The following IMMP2L variants were observed in gnomAD, a reference collection of about 807,000 sequenced individuals.
The protein encoded by IMMP2L is mitochondrial inner membrane protease subunit 2.
IMMP2L carries 18 observed loss-of-function variants against 19.3 expected under a neutral mutation model. The observed-to-expected ratio is 0.93, with a 90% CI of 0.64 to 1.38. The LOEUF is 1.38. Among genes scored for constraint, IMMP2L ranks in the 40% most tolerant of loss-of-function variants. IMMP2L has a pLI of 0.00. For missense variants in IMMP2L, 233 were observed against 218.2 expected, an observed-to-expected ratio of 1.07 and a Z score of -0.43; for synonymous variants, 76 against 73.0, an observed-to-expected ratio of 1.04 and a Z score of -0.21.
chr7:111,389,778 A>C (rs781433142), intron 3 of IMMP2L, among the ~76,000 whole-genome samples: 4 of 152,072 alleles, frequency 2.6e-5, no homozygotes, highest in Non-Finnish European at 4.4e-5. Context: ...TATTAAGAAA[A>C]ACCTTAACTC....
intron 5 of IMMP2L, among the ~76,000 whole-genome samples, chr7:110,726,550 A>T (rs1048210419): frequency 6.6e-6 from 1 of 152,206 alleles, no homozygotes; most frequent in Admixed American, 6.5e-5. Flanking sequence ...CTATACCTAC[A>T]TCAAAGTCCT....
At position 110,968,851 on chromosome 7, in the gene IMMP2L, C is replaced by T. The variant is rs1819842958; in HGVS notation, c.240-5286G>A. Among the ~76,000 whole-genome samples, 5 of 152,190 alleles carry T rather than the reference C, an allele frequency of 3.3e-5. No individual in the cohort carries two copies. In the East Asian group the frequency reaches 9.7e-4, roughly 30 times the overall value. On this transcript the variant is annotated intron_variant, in intron 3 of 5. Transcript: ENST00000405709. Reference sequence around the variant, plus strand: ...AAAAGGTCTAGCAGGAATTCTATCACATCGTAGGTACTCAGTAAATTTTAG... The same window carrying T: ...AAAAGGTCTAGCAGGAATTCTATCATATCGTAGGTACTCAGTAAATTTTAG...
intron 5 of IMMP2L, among the ~76,000 whole-genome samples, chr7:110,754,131 T>TG (rs1252400981): frequency 6.6e-6 from 1 of 152,026 alleles, no homozygotes; most frequent in Non-Finnish European, 1.5e-5. Flanking sequence ...TTTGGGAGGC[T>TG]GTCCTTAAAA....
intron 3 of IMMP2L, among the ~76,000 whole-genome samples, chr7:111,322,790 T>A (rs1824875436): frequency 6.6e-6 from 1 of 151,800 alleles, no homozygotes; most frequent in African/African-American, 2.4e-5. Flanking sequence ...TGGGTCATGG[T>A]AAAAGCACTT....
In IMMP2L at chr7:111,410,094, T is replaced by A. The variant is rs950081110; in HGVS notation, c.239+77144A>T. ...ACTCATGAGGCTTTGAATAGGAATC[T>A]GTGCTGCATAGGGTGAAACTCCAAG... On this transcript the variant is annotated intron_variant, in intron 3 of 5. Transcript: ENST00000405709. Among the ~76,000 whole-genome samples, 3 of 151,826 alleles carry A rather than the reference T, an allele frequency of 2.0e-5. No individual in the cohort carries two copies. The South Asian group carries it at 6.2e-4, about 31-fold the overall frequency.
chr7:111,112,431 T>C (rs1187481717), intron 3 of IMMP2L, among the ~76,000 whole-genome samples: 1 of 152,142 alleles, frequency 6.6e-6, no homozygotes, highest in Non-Finnish European at 1.5e-5. Context: ...AACACGAGTG[T>C]TAGGGAAAGA....
intron 3 of IMMP2L, among the ~76,000 whole-genome samples, chr7:111,415,313 T>C (rs1834861159): frequency 1.3e-5 from 2 of 151,450 alleles, no homozygotes; most frequent in East Asian, 1.9e-4. Flanking sequence ...CACATGAACA[T>C]GAAAAAGGAT....
intron 5 of IMMP2L, among the ~76,000 whole-genome samples, chr7:110,674,546 G>A (rs1308235217): frequency 1.3e-5 from 2 of 152,162 alleles, no homozygotes; most frequent in East Asian, 3.8e-4. Context: ...TTACTTAGCA[G>A]CGTAAGAAGA....
At position 110,663,721 on chromosome 7, in the gene IMMP2L, C is replaced by A. The variant is rs761618656; in HGVS notation, c.409G>T (p.Val137Phe). The A allele has an allele frequency of 1.9e-6, 3 of 1,560,966 alleles. No individual in the cohort carries two copies. Among genetic ancestry groups the A allele is most frequent in the African/African-American group, 2.8e-5 (2 of 71,926 alleles). ...HSFDSNSFGP[V>F]SLGLLHAHAT... ...TGGGCATGCAGAAGTCCTAGGGAAA[C>A]CTTAATTCATGAGAAACAGAAAGAA... The change falls in exon 6 of 6, where the codon GTT becomes TTT. Residue 137 changes from valine (V) to phenylalanine (F), a missense_variant and splice_region_variant. Transcript: ENST00000405709.
chr7:110,685,493 G>C (rs181408599), intron 5 of IMMP2L, among the ~76,000 whole-genome samples: 87 of 152,194 alleles, frequency 5.7e-4, no homozygotes, highest in African/African-American at 2.1e-3. Context: ...CAAGGAATAA[G>C]GTGTTGAAAA....
intron 3 of IMMP2L, among the ~76,000 whole-genome samples, chr7:111,114,735 T>A (rs750327550): frequency 5.0e-5 from 6 of 120,530 alleles, no homozygotes; most frequent in Non-Finnish European, 8.0e-5. Context: ...CGAGACTCCA[T>A]CTCAAAAAAA....
chr7:110,770,176 A>C (rs988838511), intron 5 of IMMP2L, among the ~76,000 whole-genome samples: 7 of 152,214 alleles, frequency 4.6e-5, no homozygotes, highest in Non-Finnish European at 8.8e-5. Flanking sequence ...AATCTCAGGC[A>C]CTTAAATAAA....
intron 3 of IMMP2L, among the ~76,000 whole-genome samples, chr7:111,308,143 A>C (rs1823086400): frequency 6.6e-6 from 1 of 151,938 alleles, no homozygotes; most frequent in Non-Finnish European, 1.5e-5. Context: ...CAACATAGAG[A>C]AAAAAATCCC....
chr7:111,108,694 A>C (rs958753036), intron 3 of IMMP2L, among the ~76,000 whole-genome samples: 2 of 152,150 alleles, frequency 1.3e-5, no homozygotes, highest in East Asian at 3.9e-4. Flanking sequence ...CTGAATTTAA[A>C]AAAAACATAT....
intron 3 of IMMP2L, among the ~76,000 whole-genome samples, chr7:111,135,257 C>T (rs1586505260): frequency 6.6e-6 from 1 of 152,146 alleles, no homozygotes; most frequent in South Asian, 2.1e-4. Flanking sequence ...CTACTGATTA[C>T]ATATCTATAA....
At chr7:110,968,368 T>G (rs1379157703) in intron 3 of IMMP2L, among the ~76,000 whole-genome samples, 1 of 152,006 alleles carries the variant, frequency 6.6e-6, no homozygotes, top group Non-Finnish European at 1.5e-5. Flanking sequence ...TAGCACATTC[T>G]TGCATGAGAA....
intron 5 of IMMP2L, among the ~76,000 whole-genome samples, chr7:110,818,523 A>C (rs1447768277): frequency 2.6e-5 from 4 of 151,120 alleles, no homozygotes; most frequent in South Asian, 2.1e-4. Flanking sequence ...GTGGGACTGT[A>C]AACTAGTTCA....
Position 111,300,538 on chromosome 7 carries a change from C to G in IMMP2L, c.239+186700G>C, listed in dbSNP as rs80327732. ...ATCACAACCATGATATTAACATTAACACAGTCAAAATATAAAACAATTCCA... is the reference window on the plus strand; with the variant it reads ...ATCACAACCATGATATTAACATTAAGACAGTCAAAATATAAAACAATTCCA... On this transcript the variant is annotated intron_variant, in intron 3 of 5. Transcript: ENST00000405709. Among the ~76,000 whole-genome samples the G allele has an allele frequency of 1.4e-3, 213 of 152,168 alleles. 1 individual carries two copies. Among genetic ancestry groups the G allele is most frequent in the African/African-American group, 4.9e-3 (204 of 41,532 alleles).
intron 2 of IMMP2L, among the ~76,000 whole-genome samples, chr7:111,490,774 T>C (rs1201722241): frequency 6.6e-6 from 1 of 152,154 alleles, no homozygotes; most frequent in Non-Finnish European, 1.5e-5. Context: ...AATTAAATAA[T>C]AATAGCCAAT....
Sources: allele counts gnomAD v4.1 joint callset (sites outside exome capture counted in the v4.1 genomes callset), GRCh38; gene constraint gnomAD v4.1.1; transcripts MANE v1.5; gene names NCBI Gene and HGNC (gene_info 2026-07-23, HGNC 2026-07-21).